The following KCNQ1 variants were observed in gnomAD, a reference collection of about 807,000 sequenced individuals.
The protein encoded by KCNQ1 is potassium voltage-gated channel subfamily KQT member 1.
A neutral mutation model predicts 72.4 loss-of-function variants in KCNQ1; 49 were observed. That is an observed-to-expected ratio of 0.68 (90% CI 0.54 to 0.86). KCNQ1 has a LOEUF of 0.86. Ranked by LOEUF, KCNQ1 falls within the 40% of genes least tolerant of loss-of-function variation. The probability of loss-of-function intolerance (pLI) is 0.00; values close to 1 mark genes in which losing one functional copy is unlikely to be tolerated. For missense variants in KCNQ1, 790 were observed against 945.1 expected, an observed-to-expected ratio of 0.84 and a Z score of 2.15; for synonymous variants, 450 against 412.6, an observed-to-expected ratio of 1.09 and a Z score of -1.10.
intron 1 of KCNQ1, among the ~76,000 whole-genome samples, chr11:2,510,291 A>T (rs1039054553): frequency 1.1e-3 from 170 of 151,108 alleles, no homozygotes; most frequent in Middle Eastern, 3.4e-3. Flanking sequence ...AAAAAAAAAA[A>T]TTTTTAAATA....
rs34273392 is a variant in KCNQ1, at chr11:2,451,514, C to G, written c.386+6030C>G. Among the ~76,000 whole-genome samples, 14,337 of 152,222 alleles carry G rather than the reference C, an allele frequency of 0.094. 717 individuals are homozygous for G. The highest frequency in any genetic ancestry group is 0.11 in the African/African-American group (4,719 of 41,514). On this transcript the variant is annotated intron_variant, in intron 1 of 15. Transcript: ENST00000155840. The surrounding 1 kb of genome is among the most constrained non-coding windows in gnomAD (Gnocchi z 6.4). ...GCACTGTCATTGCCCTTGGAGGGTT[C>G]TGAGCACTGGAAGGACCTGGCTGTG...
In KCNQ1 at chr11:2,662,027, A is replaced by AGGACCT. The variant is rs1254052516; in HGVS notation, c.1470_1475dup (p.Asp490_Leu491dup). The AGGACCT allele has an allele frequency of 2.5e-6, 4 of 1,614,238 alleles. No homozygotes were observed. In the South Asian group the frequency reaches 3.3e-5, roughly 13 times the overall value. On this transcript the variant is annotated inframe_insertion, in exon 11 of 16. Coordinates refer to ENST00000155840, the MANE Select transcript of KCNQ1 (RefSeq NM_000218.3). ...TTCATGAGAACCAACAGCTTCGCCG[A>AGGACCT]GGACCTGGACCTGGAAGGGGAGACT...
intron 11 of KCNQ1, among the ~76,000 whole-genome samples, chr11:2,721,793 C>T (rs1363948952): frequency 2.0e-5 from 3 of 152,222 alleles, no homozygotes; most frequent in Non-Finnish European, 4.4e-5. Context: ...TGGAGGCTGA[C>T]CGAGCCTCCG....
rs1228037902 is a variant in KCNQ1, at chr11:2,746,583, C to T, written c.1515-22261C>T. On this transcript the variant is annotated intron_variant, in intron 11 of 15. Coordinates refer to ENST00000155840, the MANE Select transcript of KCNQ1 (RefSeq NM_000218.3). The surrounding 1 kb of genome is among the most constrained non-coding windows in gnomAD (Gnocchi z 5.9). ...TTGTAGGGTGTCCCTTACTAGGATC[C>T]GTCTGCTGCTGTCCTCACGATTCGA... Among the ~76,000 whole-genome samples the T allele has an allele frequency of 3.9e-5, 6 of 152,126 alleles. No homozygotes were observed. Among genetic ancestry groups the T allele is most frequent in the South Asian group, 2.1e-4 (1 of 4,826 alleles).
chr11:2,643,523 T>C, intron 10 of KCNQ1: 1 of 398,526 alleles, frequency 2.5e-6, no homozygotes, highest in Non-Finnish European at 4.4e-6. Flanking sequence ...TCCCATTCCT[T>C]TCTTTCAACT....
intron 15 of KCNQ1, among the ~76,000 whole-genome samples, chr11:2,807,850 A>G (rs562733183): frequency 8.5e-5 from 13 of 152,054 alleles, no homozygotes; most frequent in African/African-American, 2.9e-4. Context: ...CTGGCCCCCA[A>G]TCCGGTCACC....
intron 15 of KCNQ1, among the ~76,000 whole-genome samples, chr11:2,795,330 G>A (rs942571017): frequency 7.2e-5 from 11 of 152,268 alleles, no homozygotes; most frequent in Non-Finnish European, 1.6e-4. Flanking sequence ...GGAGGCCACG[G>A]ACAGGGCCCC....
At chr11:2,714,952 CAG>C in intron 11 of KCNQ1, among the ~76,000 whole-genome samples, 1 of 150,542 alleles carries the variant, frequency 6.6e-6, no homozygotes, top group African/African-American at 2.5e-5. Context: ...GGCACAAAGC[CAG>C]GGGGGAGCCT....
chr11:2,746,443 G>A lies in KCNQ1; in HGVS notation c.1515-22401G>A, dbSNP rs1846139410. 1.3e-5 allele frequency among the ~76,000 whole-genome samples: 2 copies of A among 152,100 alleles called. No individual in the cohort carries two copies. Among genetic ancestry groups the A allele is most frequent in the African/African-American group, 4.8e-5 (2 of 41,412 alleles). ...TTTTCTCTCCCCGGGCCCCACCCAG[G>A]GTCCCATGTGACATTCCTCATCCGT... On this transcript the variant is annotated intron_variant, in intron 11 of 15. Transcript: ENST00000155840. This position sits in a 1 kb window ranked among gnomAD's most constrained non-coding sequence, Gnocchi z 5.9.
In KCNQ1 at chr11:2,691,961, C is replaced by T. The variant is rs1850595473; in HGVS notation, c.1514+29880C>T. On this transcript the variant is annotated intron_variant, in intron 11 of 15. Transcript: ENST00000155840. The surrounding 1 kb of genome is among the most constrained non-coding windows in gnomAD (Gnocchi z 6.4). ...TGGCATGGCCACTAAATGCCAGTGC[C>T]TTTCTCTATGCAAACCATTTCCCTA... The T allele has an allele frequency of 7.5e-6, 3 of 398,504 alleles. No homozygotes were observed. Among genetic ancestry groups the T allele is most frequent in the Admixed American group, 4.4e-5 (1 of 22,720 alleles). 24.7% of individuals were successfully genotyped at this position (398,504 alleles called of 1,614,324 possible).
At chr11:2,730,104 G>A (rs2283215) in intron 11 of KCNQ1, among the ~76,000 whole-genome samples, 1,894 of 152,200 alleles carry the variant, frequency 0.012, 83 homozygotes, top group East Asian at 0.1. Flanking sequence ...GGCGCAGATG[G>A]CAACAGGGTC....
intron 15 of KCNQ1, among the ~76,000 whole-genome samples, chr11:2,833,648 C>G (rs1848000797): frequency 1.3e-5 from 2 of 152,226 alleles, no homozygotes; most frequent in Admixed American, 6.5e-5. Flanking sequence ...CCCTGTCTTG[C>G]AGAGGCAAAA....
Position 2,824,614 on chromosome 11 carries a change from C to A in KCNQ1, c.1795-23153C>A, listed in dbSNP as rs935131136. On this transcript the variant is annotated intron_variant, in intron 15 of 15. Transcript: ENST00000155840. The surrounding 1 kb of genome is among the most constrained non-coding windows in gnomAD (Gnocchi z 5.9). Reference sequence around the variant, plus strand: ...TGAAGAAGGGGTGTGGATGAGGTTGCCTGGCAAGAGATTGCAGGGAGAGGA... The same window carrying A: ...TGAAGAAGGGGTGTGGATGAGGTTGACTGGCAAGAGATTGCAGGGAGAGGA... Among the ~76,000 whole-genome samples, 1 of 151,888 alleles carries A rather than the reference C, an allele frequency of 6.6e-6. No homozygotes were observed. The highest frequency in any genetic ancestry group is 1.5e-5 in the Non-Finnish European group (1 of 67,960).
In KCNQ1 at chr11:2,749,800, G is replaced by A. The variant is rs545559892; in HGVS notation, c.1515-19044G>A. 1.9e-3 allele frequency among the ~76,000 whole-genome samples: 282 copies of A among 151,716 alleles called. 2 individuals carry two copies. Among genetic ancestry groups the A allele is most frequent in the Non-Finnish European group, 3.2e-3 (214 of 67,894 alleles). On this transcript the variant is annotated intron_variant, in intron 11 of 15. Transcript: ENST00000155840. ...TGCACTCCAGCCTGGGCAACAGAGC[G>A]AGACTCCATCTCAAAAAATATATAT...
In KCNQ1 at chr11:2,453,144, C is replaced by T. The variant is rs945006152; in HGVS notation, c.386+7660C>T. On this transcript the variant is annotated intron_variant, in intron 1 of 15. Coordinates refer to ENST00000155840, the MANE Select transcript of KCNQ1 (RefSeq NM_000218.3). ...ATCCCAGCACTTTGGGAGGCCAAGG[C>T]GGGCGGATCACCTTAGGTCGGGAGT... Among the ~76,000 whole-genome samples the T allele has an allele frequency of 3.9e-5, 6 of 152,340 alleles. No homozygotes were observed. In the East Asian group the frequency reaches 5.8e-4, roughly 15 times the overall value.
At chr11:2,685,969 T>G (rs1850482569) in intron 11 of KCNQ1, 1 of 398,740 alleles carries the variant, frequency 2.5e-6, no homozygotes, top group East Asian at 3.6e-5. Flanking sequence ...GGATGAGGCC[T>G]GTACACTCTG....
chr11:2,552,297 A>T (rs1589946199), intron 2 of KCNQ1, among the ~76,000 whole-genome samples: 1 of 152,182 alleles, frequency 6.6e-6, no homozygotes, highest in Non-Finnish European at 1.5e-5. Context: ...GTATGGATGG[A>T]GGTTAAATCT....
chr11:2,515,084 C>A lies in KCNQ1; in HGVS notation c.387-12844C>A, dbSNP rs1037428126. Among the ~76,000 whole-genome samples the A allele has an allele frequency of 6.6e-6, 1 of 152,098 alleles. No homozygotes were observed. The highest frequency in any genetic ancestry group is 1.5e-5 in the Non-Finnish European group (1 of 68,028). On this transcript the variant is annotated intron_variant, in intron 1 of 15. Transcript: ENST00000155840. The surrounding 1 kb of genome is among the most constrained non-coding windows in gnomAD (Gnocchi z 4.7). ...AGTACACATACTTGTCTGTTACGTG[C>A]GTAATGGTGGGGTTTGGGCTTCTCG...
intron 1 of KCNQ1, chr11:2,461,489 G>A: frequency 7.7e-7 from 1 of 1,299,588 alleles, no homozygotes; most frequent in African/African-American, 1.5e-5. Context: ...AGAGGCCCGG[G>A]AAGGCACTGT....
Sources: allele counts gnomAD v4.1 joint callset (sites outside exome capture counted in the v4.1 genomes callset), GRCh38; gene constraint gnomAD v4.1.1; non-coding constraint Gnocchi (gnomAD v3.1); transcripts MANE v1.5; gene names NCBI Gene and HGNC (gene_info 2026-07-23, HGNC 2026-07-21).